The following RFT1 variants were observed in gnomAD, a reference collection of about 807,000 sequenced individuals.
The protein encoded by RFT1 is man(5)GlcNAc(2)-PP-dolichol translocation protein RFT1.
A neutral mutation model predicts 62.2 loss-of-function variants in RFT1; 43 were observed. The ratio of observed to expected loss-of-function variants is 0.69; its 90% CI spans 0.54 to 0.89. RFT1 has a LOEUF of 0.89. Among genes scored for constraint, RFT1 ranks in the 40% least tolerant of loss-of-function variants. The probability of loss-of-function intolerance (pLI) is 0.00; values close to 1 mark genes in which losing one functional copy is unlikely to be tolerated. For missense variants in RFT1, 605 were observed against 649.9 expected (o/e 0.93, Z 0.75); for synonymous variants, 262 against 264.6 (o/e 0.99, Z 0.10).
rs1170818591 is a variant in RFT1 at position 53,089,019 on chromosome 3, C to T, written c.*2884G>A. 1 of 152,162 alleles carries T rather than the reference C, an allele frequency of 6.6e-6. No individual in the cohort carries two copies. The highest frequency in any genetic ancestry group is 1.5e-5 in the Non-Finnish European group (1 of 68,122). The allele number at this position is 152,162 out of a possible 1,614,324, so 9.4% of individuals were successfully genotyped here. On this transcript the variant is annotated 3_prime_UTR_variant, in exon 13 of 13. Transcript: ENST00000296292. ...GTGTGGTGGCAGGCGCCTGTAGCCC[C>T]AGCTACTCAGGAGGCTGAGGCAAGA...
At chr3:53,121,594 C>T in intron 5 of RFT1, 105 bp downstream of exon 5, 1 of 896,346 alleles carries the variant, frequency 1.1e-6, no homozygotes, top group South Asian at 1.4e-5. Context: ...ACCTCCTGCA[C>T]AGGCATGGGT....
chr3:53,101,181 CCT>C (rs1701301529), intron 10 of RFT1, among the ~76,000 whole-genome samples: 1 of 152,216 alleles, frequency 6.6e-6, no homozygotes, highest in Admixed American at 6.5e-5. Context: ...TTTCCACGGC[CCT>C]GTCTCAGATT....
chr3:53,112,494 C>G (rs1186805969), intron 6 of RFT1, among the ~76,000 whole-genome samples: 2 of 152,206 alleles, frequency 1.3e-5, no homozygotes, highest in Admixed American at 6.5e-5. Flanking sequence ...ATAATCACAA[C>G]ACTTTGGGAA....
At chr3:53,101,855 T>C (rs1701324080) in intron 10 of RFT1, among the ~76,000 whole-genome samples, 1 of 152,032 alleles carries the variant, frequency 6.6e-6, no homozygotes, top group African/African-American at 2.4e-5. Flanking sequence ...CTGGCCAACA[T>C]GGCGAAACCC....
the RFT1 span, among the ~76,000 whole-genome samples, chr3:53,070,625 A>T: frequency 1.3e-5 from 2 of 150,802 alleles, no homozygotes; most frequent in Admixed American, 6.6e-5. Context: ...CTGGTCTCGA[A>T]CTCCTGACCT....
chr3:53,103,370 C>T, intron 10 of RFT1: 1 of 606,430 alleles, frequency 1.6e-6, no homozygotes, highest in Non-Finnish European at 2.1e-6. Flanking sequence ...TCCCCAAGAC[C>T]TAACAAGTGC....
At position 53,092,608 on chromosome 3, in the gene RFT1, C is replaced by A. The variant is rs755709043; in HGVS notation, c.1219G>T (p.Val407Leu). The change falls in exon 12 of 13, where the codon GTG (valine) becomes TTG (leucine). Residue 407 changes from valine to leucine, a missense_variant. Physicochemically the swap from Val to Leu is conservative, Grantham distance 32 (BLOSUM62 1). Coordinates refer to ENST00000296292, the MANE Select transcript of RFT1 (RefSeq NM_052859.4). ...AATGAGGAGGACAGGGCCAGCATCA[C>A]AAAATTGTACCTGGGGAGGAGACAG... ...SKEEVDRYNF[V>L]MLALSSSFLV... 1 of 1,611,018 alleles carries A rather than the reference C, an allele frequency of 6.2e-7. No homozygotes were observed. The highest frequency in any genetic ancestry group is 1.1e-5 in the South Asian group (1 of 90,126).
At chr3:53,122,173 T>C (rs946110692) in intron 4 of RFT1, among the ~76,000 whole-genome samples, 2 of 152,156 alleles carry the variant, frequency 1.3e-5, no homozygotes, top group African/African-American at 2.4e-5. Flanking sequence ...TTATTTATGG[T>C]GAAACAGAGG....
intron 2 of RFT1, among the ~76,000 whole-genome samples, chr3:53,125,593 C>A (rs1446623451): frequency 1.3e-5 from 2 of 152,216 alleles, no homozygotes; most frequent in Admixed American, 1.3e-4. Context: ...AGGATTATAT[C>A]TGAGAGAGAG....
At chr3:53,125,685 T>C (rs1399693548) in intron 2 of RFT1, among the ~76,000 whole-genome samples, 1 of 152,246 alleles carries the variant, frequency 6.6e-6, no homozygotes, top group African/African-American at 2.4e-5. Flanking sequence ...GAAATGTGCA[T>C]TTGGAGGCTG....
At chr3:53,100,675 A>G (rs1701284634) in intron 10 of RFT1, among the ~76,000 whole-genome samples, 1 of 152,222 alleles carries the variant, frequency 6.6e-6, no homozygotes, top group Admixed American at 6.5e-5. Context: ...GCAAGAGCGC[A>G]CATGCTGCAT....
intron 11 of RFT1, among the ~76,000 whole-genome samples, chr3:53,097,898 A>G (rs1440067221): frequency 6.6e-6 from 1 of 152,266 alleles, no homozygotes; most frequent in African/African-American, 2.4e-5. Context: ...CTCTAAAGCT[A>G]TAAATTTAAC....
chr3:53,070,409 T>G, the RFT1 span, among the ~76,000 whole-genome samples: 1 of 138,960 alleles, frequency 7.2e-6, no homozygotes, highest in Non-Finnish European at 1.6e-5. Flanking sequence ...TTTTTTTTTT[T>G]TTTTTTTTTT....
At chr3:53,124,030 T>C (rs973572621) in intron 2 of RFT1, among the ~76,000 whole-genome samples, 190 bp from the exon 3 acceptor site, 24 of 152,112 alleles carry the variant, frequency 1.6e-4, no homozygotes. Flanking sequence ...AGGAACCAAA[T>C]GAAAGACACC....
rs763915749 is a variant in RFT1, at chr3:53,121,759, C to T, written c.498G>A (p.Leu166=). 4.3e-6 allele frequency: 7 copies of T among 1,614,036 alleles called. No homozygotes were observed. Among genetic ancestry groups the T allele is most frequent in the Non-Finnish European group, 5.9e-6 (7 of 1,179,964 alleles). ...GCAACCACAGCACGAGAAAAGCTGT[C>T]AGAACGCTCTTAAGAATTACCGACA... is the stretch of plus-strand genomic sequence containing the variant. ...ESLSVILKSV[L]TAFLVLWLPH... The change falls in exon 5 of 13, where the codon CTG becomes CTA. Residue 166 remains leucine (L), a synonymous_variant. Coordinates refer to ENST00000296292, the MANE Select transcript of RFT1 (RefSeq NM_052859.4).
downstream of RFT1, chr3:53,085,652 G>A (rs527578552): frequency 2.6e-5 from 4 of 152,236 alleles, no homozygotes; most frequent in African/African-American, 7.2e-5. Flanking sequence ...GTCTCCAAAC[G>A]TGTGTGGAGC....
At chr3:53,097,242 A>T (rs1701168739) in intron 11 of RFT1, among the ~76,000 whole-genome samples, 1 of 144,932 alleles carries the variant, frequency 6.9e-6, no homozygotes, top group African/African-American at 2.5e-5. Flanking sequence ...CACAGAGATT[A>T]AAAAAAAAAA....
chr3:53,119,863 A>C, intron 6 of RFT1, 21 bp downstream of exon 6: 2 of 1,584,574 alleles, frequency 1.3e-6, no homozygotes, highest in Non-Finnish European at 1.7e-6. Context: ...AAATGATAAG[A>C]GATAAAAATG....
Position 53,123,796 on chromosome 3 carries a change from G to T in RFT1, c.194C>A (p.Ala65Asp). ...CCCACTGAGACATGCTCTGCGGAAG[G>T]CCTCTCTGGCCAGGAAGAGGGTGGT... is the stretch of plus-strand genomic sequence containing the variant. ...YSTTLFLAREAFRRACLSGGT... is the reference protein window; with the variant it reads ...YSTTLFLAREDFRRACLSGGT... Residue 65 changes from alanine (A) to aspartate (D), a missense_variant, in exon 3 of 13, where the codon GCC becomes GAC. Ala to Asp is a moderately radical substitution (Grantham distance 126). Transcript: ENST00000296292. 6.2e-7 allele frequency: 1 copy of T among 1,614,218 alleles called. No homozygotes were observed. The highest frequency in any genetic ancestry group is 8.5e-7 in the Non-Finnish European group (1 of 1,180,026).
Sources: allele counts gnomAD v4.1 joint callset (sites outside exome capture counted in the v4.1 genomes callset), GRCh38; gene constraint gnomAD v4.1.1; transcripts MANE v1.5; gene names NCBI Gene and HGNC (gene_info 2026-07-23, HGNC 2026-07-21).